RPS6KA5: variants seen among roughly 807,000 people sequenced by gnomAD.
RPS6KA5 encodes ribosomal protein S6 kinase A5, also known as ribosomal protein S6 kinase alpha-5.
A neutral mutation model predicts 85.5 loss-of-function variants in RPS6KA5; 27 were observed. The ratio of observed to expected loss-of-function variants is 0.32; its 90% CI spans 0.23 to 0.44. The LOEUF is 0.44. RPS6KA5 is among the 20% of genes least tolerant of loss of function. The pLI is 1.00. For synonymous variants in RPS6KA5, 334 were observed against 348.2 expected, an observed-to-expected ratio of 0.96 and a Z score of 0.46; for missense variants, 811 against 980.9, an observed-to-expected ratio of 0.83 and a Z score of 2.31.
intron 1 of RPS6KA5, among the ~76,000 whole-genome samples, chr14:91,059,344 A>AC (rs1167325123): frequency 1.3e-5 from 2 of 152,010 alleles, no homozygotes; most frequent in Non-Finnish European, 2.9e-5. Flanking sequence ...CTGTCTGAAA[A>AC]AAAAAAAAAA....
intron 7 of RPS6KA5, among the ~76,000 whole-genome samples, chr14:90,918,980 G>GAA (rs138867767): frequency 6.6e-6 from 1 of 150,852 alleles, no homozygotes; most frequent in East Asian, 1.9e-4. Flanking sequence ...AATTTCTAAA[G>GAA]AAAAAAAAAT....
At chr14:90,973,116 C>T (rs2039397289) in intron 3 of RPS6KA5, among the ~76,000 whole-genome samples, 1 of 152,166 alleles carries the variant, frequency 6.6e-6, no homozygotes, top group South Asian at 2.1e-4. Flanking sequence ...AATGGTACAA[C>T]TTCTATGGAA....
chr14:90,883,870 T>G (rs1471486445), intron 14 of RPS6KA5, among the ~76,000 whole-genome samples: 2 of 152,244 alleles, frequency 1.3e-5, no homozygotes, highest in Non-Finnish European at 2.9e-5. Flanking sequence ...AGTACAAACT[T>G]AAGGTCTTCT....
Position 90,868,947 on chromosome 14 carries a change from C to A in RPS6KA5, c.*3127G>T, listed in dbSNP as rs1212539913. 5 of 152,080 alleles carry A rather than the reference C, an allele frequency of 3.3e-5. No individual in the cohort carries two copies. Among genetic ancestry groups the A allele is most frequent in the Non-Finnish European group, 7.4e-5 (5 of 68,004 alleles). 9.4% of individuals were successfully genotyped at this position (152,080 alleles called of 1,614,324 possible). A position where few individuals can be genotyped will look rare whatever the true frequency, so the allele number is the denominator to read the frequency against. On this transcript the variant is annotated 3_prime_UTR_variant, in exon 17 of 17. Transcript: ENST00000614987. ...TTCTTGGGTAATGAACCTGTGACTC[C>A]AAGACAGACAACAATGTGGAAATTA...
At chr14:90,980,152 A>T (rs185240145) in intron 2 of RPS6KA5, among the ~76,000 whole-genome samples, 11 of 152,232 alleles carry the variant, frequency 7.2e-5, no homozygotes, top group African/African-American at 2.7e-4. Context: ...GGGTATACAA[A>T]TAAAAAAATG....
intron 1 of RPS6KA5, among the ~76,000 whole-genome samples, chr14:91,003,275 T>C (rs1171396596): frequency 6.6e-6 from 1 of 152,108 alleles, no homozygotes; most frequent in African/African-American, 2.4e-5. Flanking sequence ...TATATTTATA[T>C]ATTACTTATC....
chr14:90,974,550 T>G (rs1341368200), intron 3 of RPS6KA5, among the ~76,000 whole-genome samples: 1 of 152,220 alleles, frequency 6.6e-6, no homozygotes, highest in Non-Finnish European at 1.5e-5. Context: ...AGTTCCAGTG[T>G]CCAGGCTCAG....
intron 1 of RPS6KA5, among the ~76,000 whole-genome samples, chr14:91,022,896 C>A (rs1167144957): frequency 6.6e-6 from 1 of 151,984 alleles, no homozygotes; most frequent in Non-Finnish European, 1.5e-5. Flanking sequence ...ACCAGCTTAG[C>A]CAGCATGGTG....
At chr14:90,880,402 T>C (rs2033758209) in intron 14 of RPS6KA5, among the ~76,000 whole-genome samples, 1 of 152,228 alleles carries the variant, frequency 6.6e-6, no homozygotes, top group African/African-American at 2.4e-5. Context: ...GGCTTCCTTC[T>C]TTAGCATAAT....
intron 11 of RPS6KA5, 29 bp downstream of exon 11, chr14:90,900,075 TAAGA>T: frequency 1.3e-6 from 2 of 1,506,814 alleles, no homozygotes; most frequent in Non-Finnish European, 1.8e-6. Context: ...CATGAATACC[TAAGA>T]AAGAATATTA....
At chr14:90,965,951 A>G (rs1004240757) in intron 3 of RPS6KA5, among the ~76,000 whole-genome samples, 2 of 152,202 alleles carry the variant, frequency 1.3e-5, no homozygotes, top group African/African-American at 4.8e-5. Context: ...GATTATGGTT[A>G]AAGACTTTGA....
intron 3 of RPS6KA5, among the ~76,000 whole-genome samples, chr14:90,976,567 C>T (rs555696941): frequency 6.7e-4 from 102 of 152,128 alleles, no homozygotes; most frequent in African/African-American, 2.2e-3. Context: ...TGTTTGAAAC[C>T]GCTGTATTAG....
At chr14:90,909,140 G>A (rs1285001892) in intron 7 of RPS6KA5, among the ~76,000 whole-genome samples, 1 of 152,238 alleles carries the variant, frequency 6.6e-6, no homozygotes, top group Non-Finnish European at 1.5e-5. Flanking sequence ...TGCCTATGCA[G>A]AATGGGCACT....
In RPS6KA5 at chr14:90,863,302, C is replaced by CAAAAAAAAAAAAAAAAAAA. The variant is rs61230626; in HGVS notation, c.*8753_*8771dup. ...TGGGTGGCAGAGCGAGACTCCGTCT[C>CAAAAAAAAAAAAAAAAAAA]AAAAAAAAAAAAAAAAAAAAAAAAA... On this transcript the variant is annotated 3_prime_UTR_variant, in exon 17 of 17. Coordinates refer to ENST00000614987, the MANE Select transcript of RPS6KA5 (RefSeq NM_004755.4). 4.0e-4 allele frequency: 10 copies of CAAAAAAAAAAAAAAAAAAA among 24,794 alleles called. No homozygotes were observed. The highest frequency in any genetic ancestry group is 7.5e-4 in the Admixed American group (1 of 1,330). The allele number at this position is 24,794 out of a possible 1,614,324, so 1.5% of individuals were successfully genotyped here.
At chr14:90,975,021 C>T (rs1177316505) in intron 3 of RPS6KA5, among the ~76,000 whole-genome samples, 2 of 152,008 alleles carry the variant, frequency 1.3e-5, no homozygotes, top group African/African-American at 4.8e-5. Context: ...GATAGACATA[C>T]AGACAAAAAG....
chr14:90,981,068 G>A (rs1330378996), intron 2 of RPS6KA5, among the ~76,000 whole-genome samples: 1 of 152,228 alleles, frequency 6.6e-6, no homozygotes, highest in Non-Finnish European at 1.5e-5. Flanking sequence ...CTCCTCGGGA[G>A]GCTGAGGCAG....
intron 1 of RPS6KA5, among the ~76,000 whole-genome samples, chr14:91,016,866 C>CAA (rs34806962): frequency 2.2e-4 from 27 of 120,784 alleles, no homozygotes; most frequent in Admixed American, 3.3e-4. Context: ...TCTAAACAGG[C>CAA]AAAAAAAAAA....
chr14:91,024,290 G>A (rs979609945), intron 1 of RPS6KA5, among the ~76,000 whole-genome samples: 19 of 149,244 alleles, frequency 1.3e-4, no homozygotes, highest in South Asian at 4.2e-4. Context: ...TTCTTTCTTC[G>A]TTTTTAATAC....
At chr14:90,890,132 CAGA>C (rs1288530094) in intron 14 of RPS6KA5, among the ~76,000 whole-genome samples, 1 of 152,158 alleles carries the variant, frequency 6.6e-6, no homozygotes, top group East Asian at 1.9e-4. Flanking sequence ...TGAAACTTCA[CAGA>C]AGTTTTTTAA....
Sources: gnomAD v4.1 joint callset for allele counts (sites outside exome capture counted in the v4.1 genomes callset) on GRCh38, gnomAD v4.1.1 for gene constraint, MANE v1.5 for transcripts, NCBI Gene and HGNC (gene_info 2026-07-23, HGNC 2026-07-21) for gene names.